Variants in SLC39A11 observed in about 807,000 individuals in gnomAD.
The protein encoded by SLC39A11 is zinc transporter ZIP11.
In SLC39A11, 33 loss-of-function variants were observed where a neutral mutation model predicts 36.1. That is an observed-to-expected ratio of 0.91 (90% CI 0.69 to 1.22). The LOEUF is 1.22. SLC39A11 is among the 50% of genes most tolerant of loss of function. SLC39A11 has a pLI of 0.00. For synonymous variants in SLC39A11, 166 were observed against 170.3 expected, an observed-to-expected ratio of 0.97 and a Z score of 0.20; for missense variants, 432 against 430.3, an observed-to-expected ratio of 1.00 and a Z score of -0.03.
chr17:72,861,688 T>TATATATATATATATATATAA (rs1169877556), intron 5 of SLC39A11, among the ~76,000 whole-genome samples: 7 of 88,780 alleles, frequency 7.9e-5, no homozygotes, highest in East Asian at 4.1e-4. Flanking sequence ...TATATATATA[T>TATATATATATATATATATAA]AAAATATATA....
chr17:73,054,160 C>T (rs986814377), intron 3 of SLC39A11, among the ~76,000 whole-genome samples: 10 of 152,032 alleles, frequency 6.6e-5, no homozygotes, highest in African/African-American at 2.2e-4. Flanking sequence ...GTCCGGAGTT[C>T]GAGACCAGCC....
intron 5 of SLC39A11, among the ~76,000 whole-genome samples, chr17:72,896,387 A>G: frequency 6.6e-6 from 1 of 151,736 alleles, no homozygotes; most frequent in Non-Finnish European, 1.5e-5. Flanking sequence ...TTTTTAGTAG[A>G]GACAGGGTTT....
intron 6 of SLC39A11, among the ~76,000 whole-genome samples, chr17:72,822,257 T>G (rs2567486): frequency 0.19 from 27,384 of 146,986 alleles, 3,271 homozygotes; most frequent in African/African-American, 0.26. Context: ...TATATATATA[T>G]AGAGAGAGAG....
At chr17:72,779,361 G>A (rs900399763) in intron 6 of SLC39A11, among the ~76,000 whole-genome samples, 3 of 152,120 alleles carry the variant, frequency 2.0e-5, no homozygotes, top group Non-Finnish European at 2.9e-5. Context: ...GGAGGCGGAG[G>A]TTGCAGTGAG....
chr17:72,732,352 C>CTA (rs1316996655), intron 7 of SLC39A11, among the ~76,000 whole-genome samples: 1 of 152,182 alleles, frequency 6.6e-6, no homozygotes, highest in Admixed American at 6.5e-5. Flanking sequence ...TCAGATTTCA[C>CTA]TAGTAACTAC....
intron 5 of SLC39A11, among the ~76,000 whole-genome samples, chr17:72,940,190 CT>C (rs1016797657): frequency 6.6e-5 from 10 of 152,206 alleles, no homozygotes; most frequent in African/African-American, 2.4e-4. Flanking sequence ...GCGGTCATCC[CT>C]TTAACGGTGC....
At chr17:73,081,735 A>C in intron 3 of SLC39A11, among the ~76,000 whole-genome samples, 1 of 119,516 alleles carries the variant, frequency 8.4e-6, no homozygotes, top group African/African-American at 3.0e-5. Context: ...ATATGTATGT[A>C]TATATATATA....
intron 7 of SLC39A11, among the ~76,000 whole-genome samples, chr17:72,663,649 C>T (rs58172983): frequency 0.07 from 10,696 of 152,190 alleles, 519 homozygotes; most frequent in African/African-American, 0.14. Context: ...ATGAGGGCCT[C>T]AGTCTCATTT....
chr17:72,995,688 T>A (rs544049064), intron 4 of SLC39A11, among the ~76,000 whole-genome samples: 13 of 152,284 alleles, frequency 8.5e-5, no homozygotes, highest in African/African-American at 3.1e-4. Context: ...GCACTCCTGG[T>A]TCCTGGGCTA....
intron 2 of SLC39A11, among the ~76,000 whole-genome samples, chr17:73,087,058 G>GAA (rs201864946): frequency 6.9e-6 from 1 of 144,522 alleles, no homozygotes; most frequent in Non-Finnish European, 1.5e-5. Flanking sequence ...TCTGTCTAAA[G>GAA]AAAAAAAAAA....
chr17:72,880,242 T>C (rs1186383344), intron 5 of SLC39A11, among the ~76,000 whole-genome samples: 11 of 152,208 alleles, frequency 7.2e-5, no homozygotes. Context: ...GACAGCAAAG[T>C]ACGCCCCACT....
chr17:72,760,332 T>C (rs2075529769), intron 6 of SLC39A11, among the ~76,000 whole-genome samples: 1 of 152,230 alleles, frequency 6.6e-6, no homozygotes, highest in Non-Finnish European at 1.5e-5. Context: ...CCAGCCATTG[T>C]GGAGCATATT....
chr17:72,799,490 G>C (rs994069050), intron 6 of SLC39A11, among the ~76,000 whole-genome samples: 1 of 152,140 alleles, frequency 6.6e-6, no homozygotes, highest in Non-Finnish European at 1.5e-5. Context: ...ATAAACAGAC[G>C]TGCAAGTAGG....
At chr17:72,761,019 C>A (rs375424662) in intron 6 of SLC39A11, among the ~76,000 whole-genome samples, 3 of 152,300 alleles carry the variant, frequency 2.0e-5, no homozygotes, top group Admixed American at 6.5e-5. Context: ...GGACTCTGAC[C>A]GCATCTATGG....
At chr17:72,759,111 C>CAATAATAATAATAAT (rs201799463) in intron 6 of SLC39A11, among the ~76,000 whole-genome samples, 21 of 144,616 alleles carry the variant, frequency 1.5e-4, no homozygotes, top group East Asian at 1.1e-3. Context: ...AAAATAATAA[C>CAATAATAATAATAAT]AATAATAATA....
intron 3 of SLC39A11, among the ~76,000 whole-genome samples, chr17:73,059,403 C>T (rs979848441): frequency 2.6e-5 from 4 of 152,146 alleles, no homozygotes; most frequent in Non-Finnish European, 5.9e-5. Flanking sequence ...TAGTGGCTCA[C>T]GCCTGTAATC....
At chr17:72,931,178 A>G (rs951284) in intron 5 of SLC39A11, among the ~76,000 whole-genome samples, 1 of 152,124 alleles carries the variant, frequency 6.6e-6, no homozygotes, top group Non-Finnish European at 1.5e-5. Flanking sequence ...AGAGAGGTAC[A>G]GAGAGAGCTG....
intron 5 of SLC39A11, among the ~76,000 whole-genome samples, chr17:72,852,224 A>AAAAAAAAAAAAAAAAAAAAAAAG (rs2079381817): frequency 6.7e-6 from 1 of 149,262 alleles, no homozygotes. Flanking sequence ...AAAAAAAAAA[A>AAAAAAAAAAAAAAAAAAAAAAAG]AAAACAGAAA....
At chr17:72,667,865 T>C (rs538734766) in intron 7 of SLC39A11, among the ~76,000 whole-genome samples, 1 of 152,346 alleles carries the variant, frequency 6.6e-6, no homozygotes, top group South Asian at 2.1e-4. Flanking sequence ...ATGAAGAAAC[T>C]GAGGCTTACA....
Sources: allele counts gnomAD v4.1 joint callset (sites outside exome capture counted in the v4.1 genomes callset), GRCh38; gene constraint gnomAD v4.1.1; transcripts MANE v1.5; gene names NCBI Gene and HGNC (gene_info 2026-07-23, HGNC 2026-07-21).